ATXN1: variants seen among roughly 807,000 people sequenced by gnomAD.
ATXN1 encodes the protein ataxin-1.
A neutral mutation model predicts 56.4 loss-of-function variants in ATXN1; 8 were observed. The observed-to-expected ratio is 0.14, with a 90% CI of 0.08 to 0.26. The LOEUF (loss-of-function observed/expected upper bound fraction) is 0.26, where lower values mean the gene tolerates loss of function less well. Among genes scored for constraint, ATXN1 ranks in the 10% least tolerant of loss-of-function variants. ATXN1 has a pLI of 1.00. For missense variants in ATXN1, 987 were observed against 1,106.5 expected (o/e 0.89, Z 1.53); for synonymous variants, 514 against 494.6 (o/e 1.04, Z -0.52).
At chr6:16,630,878 A>T (rs967191002) in intron 3 of ATXN1, among the ~76,000 whole-genome samples, 4 of 152,238 alleles carry the variant, frequency 2.6e-5, no homozygotes. Context: ...AGGTTTCATT[A>T]TGTAAATGGC....
At chr6:16,587,785 G>C (rs1762651825) in intron 3 of ATXN1, among the ~76,000 whole-genome samples, 1 of 151,852 alleles carries the variant, frequency 6.6e-6, no homozygotes, top group Non-Finnish European at 1.5e-5. Flanking sequence ...AAAAAAACTA[G>C]CCAGGCATGG....
intron 4 of ATXN1, among the ~76,000 whole-genome samples, chr6:16,559,764 A>G (rs1762081257): frequency 6.6e-6 from 1 of 152,206 alleles, no homozygotes; most frequent in Non-Finnish European, 1.5e-5. Context: ...AAAAGAAAGA[A>G]AAGAAACCAA....
At chr6:16,448,378 C>A (rs1759676184) in intron 6 of ATXN1, among the ~76,000 whole-genome samples, 2 of 152,176 alleles carry the variant, frequency 1.3e-5, no homozygotes, top group Admixed American at 1.3e-4. Flanking sequence ...CTTCATTCAT[C>A]ACAGCTGATG....
rs540601562 is a variant in ATXN1, at chr6:16,443,227, A to C, written c.-161+42745T>G. Among the ~76,000 whole-genome samples, 164 of 151,330 alleles carry C rather than the reference A, an allele frequency of 1.1e-3. 1 individual carries two copies. Among genetic ancestry groups the C allele is most frequent in the Non-Finnish European group, 2.0e-3 (138 of 67,802 alleles). ...TTGGAGCAAAAAAAAAAAAAAAAAA[A>C]AAAAAACCTACCTAAATAGTATGAT... On this transcript the variant is annotated intron_variant, in intron 6 of 7. Transcript: ENST00000436367.
chr6:16,716,883 G>A (rs541883710), intron 2 of ATXN1, among the ~76,000 whole-genome samples: 2 of 152,300 alleles, frequency 1.3e-5, no homozygotes, highest in African/African-American at 4.8e-5. Context: ...AGTTCACAGA[G>A]CTTGATATGA....
intron 6 of ATXN1, among the ~76,000 whole-genome samples, chr6:16,440,515 C>T (rs1391938582): frequency 6.6e-6 from 1 of 150,930 alleles, no homozygotes; most frequent in African/African-American, 2.4e-5. Context: ...CATACATACA[C>T]CTTTAGTCCC....
At chr6:16,628,541 T>A (rs893860818) in intron 3 of ATXN1, among the ~76,000 whole-genome samples, 1 of 152,196 alleles carries the variant, frequency 6.6e-6, no homozygotes, top group African/African-American at 2.4e-5. Flanking sequence ...TGGGGGTTTG[T>A]TGTACAGATG....
At chr6:16,494,840 T>G (rs2113667026) in intron 5 of ATXN1, among the ~76,000 whole-genome samples, 2 of 152,312 alleles carry the variant, frequency 1.3e-5, no homozygotes, top group Middle Eastern at 6.8e-3. Context: ...CCTTATTTGT[T>G]CAACACGCAG....
chr6:16,505,951 G>C (rs1295820390), intron 5 of ATXN1, among the ~76,000 whole-genome samples: 2 of 152,144 alleles, frequency 1.3e-5, no homozygotes, highest in Admixed American at 6.5e-5. Context: ...AGCAGCACGT[G>C]TCCCATTTCC....
Position 16,475,448 on chromosome 6 carries a change from C to G in ATXN1, c.-161+10524G>C, listed in dbSNP as rs186955973. ...TATCATAACAGCATCATGGCTGCCA[C>G]AGTTATTAGGGAGCAATCACTGGGC... On this transcript the variant is annotated intron_variant, in intron 6 of 7. Transcript: ENST00000436367. 7.8e-4 allele frequency among the ~76,000 whole-genome samples: 119 copies of G among 152,296 alleles called. 1 individual carries two copies. Among genetic ancestry groups the G allele is most frequent in the African/African-American group, 2.7e-3 (113 of 41,554 alleles).
chr6:16,664,843 T>G (rs558076110), intron 2 of ATXN1, among the ~76,000 whole-genome samples: 5 of 152,246 alleles, frequency 3.3e-5, no homozygotes, highest in African/African-American at 1.2e-4. Context: ...ATTTAACAAC[T>G]ATTATACCAT....
At position 16,498,904 on chromosome 6, in the gene ATXN1, C is replaced by T. The variant is rs372407163; in HGVS notation, c.-298-12795G>A. 3.9e-5 allele frequency among the ~76,000 whole-genome samples: 6 copies of T among 152,116 alleles called. No homozygotes were observed. The East Asian group carries it at 9.6e-4, about 24-fold the overall frequency. The stretch of plus-strand genomic sequence containing the variant: ...TCTTTATATATTCCAGAAACTAGAC[C>T]CTTATGAGATACTGACTTGCAAATA... On this transcript the variant is annotated intron_variant, in intron 5 of 7. Transcript: ENST00000436367.
At chr6:16,746,929 G>A (rs906706104) in intron 2 of ATXN1, among the ~76,000 whole-genome samples, 14 of 151,984 alleles carry the variant, frequency 9.2e-5, no homozygotes, top group Admixed American at 8.5e-4. Flanking sequence ...CAACCTCCTT[G>A]TGTTTTGGAG....
At chr6:16,432,751 A>G (rs972149506) in intron 6 of ATXN1, 24 of 150,834 alleles carry the variant, frequency 1.6e-4, no homozygotes, top group African/African-American at 5.6e-4. Flanking sequence ...AAGCAGAGAC[A>G]TTTGCTTATA....
chr6:16,430,029 T>A (rs1358718184), intron 6 of ATXN1, among the ~76,000 whole-genome samples: 5 of 152,140 alleles, frequency 3.3e-5, no homozygotes, highest in Non-Finnish European at 5.9e-5. Flanking sequence ...TAAATTTGCC[T>A]GGAGTGACAT....
intron 1 of ATXN1, among the ~76,000 whole-genome samples, chr6:16,756,155 GAAT>G (rs1362943315): frequency 6.6e-6 from 1 of 151,608 alleles, no homozygotes; most frequent in African/African-American, 2.4e-5. Flanking sequence ...AATTATAAAA[GAAT>G]AAAATAAAAA....
rs1760018674 is a variant in ATXN1 at position 16,299,221 on chromosome 6, T to C, written c.*7108A>G. 6.6e-6 allele frequency: 1 copy of C among 152,624 alleles called. No homozygotes were observed. Among genetic ancestry groups the C allele is most frequent in the Admixed American group, 6.5e-5 (1 of 15,284 alleles). The allele number at this position is 152,624 out of a possible 1,614,324, so 9.5% of individuals were successfully genotyped here. A position where few individuals can be genotyped will look rare whatever the true frequency, so the allele number is the denominator to read the frequency against. The stretch of plus-strand genomic sequence containing the variant: ...TTTTGTTCAAATTTTGAATCAAACA[T>C]TGTTTTATTATAATAATGAAATAAT... On this transcript the variant is annotated 3_prime_UTR_variant, in exon 8 of 8. Transcript: ENST00000436367.
intron 3 of ATXN1, among the ~76,000 whole-genome samples, chr6:16,630,650 C>T (rs1253179804): frequency 3.3e-5 from 5 of 152,128 alleles, no homozygotes; most frequent in Non-Finnish European, 7.4e-5. Context: ...TAAAGCAATG[C>T]ATTATTAAAA....
chr6:16,395,512 ATGTAATAG>A (rs1323388293), intron 6 of ATXN1, among the ~76,000 whole-genome samples: 1 of 152,140 alleles, frequency 6.6e-6, no homozygotes, highest in African/African-American at 2.4e-5. Context: ...TAGCTGTCCA[ATGTAATAG>A]TGTAATACAT....
Sources: allele counts gnomAD v4.1 joint callset (sites outside exome capture counted in the v4.1 genomes callset), GRCh38; gene constraint gnomAD v4.1.1; transcripts MANE v1.5; gene names NCBI Gene and HGNC (gene_info 2026-07-23, HGNC 2026-07-21).